PLCH1: variants seen among roughly 807,000 people sequenced by gnomAD.
PLCH1 encodes 1-phosphatidylinositol 4,5-bisphosphate phosphodiesterase eta-1.
Under a neutral mutation model 126.7 loss-of-function variants are expected in PLCH1, and 60 were observed. The ratio of observed to expected loss-of-function variants is 0.47; its 90% CI spans 0.38 to 0.59. PLCH1 has a LOEUF of 0.59. PLCH1 is among the 20% of genes least tolerant of loss of function. PLCH1 has a pLI of 0.00. For missense variants in PLCH1, 1,723 were observed against 2,040.0 expected, an observed-to-expected ratio of 0.84 and a Z score of 2.99; for synonymous variants, 719 against 734.9, an observed-to-expected ratio of 0.98 and a Z score of 0.35.
intron 1 of PLCH1, among the ~76,000 whole-genome samples, chr3:155,743,915 G>C (rs981688602): frequency 6.6e-6 from 1 of 152,172 alleles, no homozygotes; most frequent in Non-Finnish European, 1.5e-5. Context: ...TTTCGGGACA[G>C]AGGGGGATTT....
At chr3:155,603,445 A>G (rs1449959730) in intron 2 of PLCH1, among the ~76,000 whole-genome samples, 1 of 152,228 alleles carries the variant, frequency 6.6e-6, no homozygotes, top group African/African-American at 2.4e-5. Context: ...CTTGGTACAT[A>G]GCAGGTGCTG....
At chr3:155,512,166 C>T (rs1719661874) in intron 12 of PLCH1, among the ~76,000 whole-genome samples, 1 of 151,898 alleles carries the variant, frequency 6.6e-6, no homozygotes, top group African/African-American at 2.4e-5. Context: ...ACTCCCTGAC[C>T]CCTTGCGCTT....
chr3:155,604,842 G>A (rs1222715889), intron 2 of PLCH1, among the ~76,000 whole-genome samples: 1 of 152,162 alleles, frequency 6.6e-6, no homozygotes, highest in Non-Finnish European at 1.5e-5. Flanking sequence ...GTGCAAACTG[G>A]TTAAGAGAAT....
chr3:155,464,267 T>C (rs1057134860), intron 21 of PLCH1, among the ~76,000 whole-genome samples: 25 of 152,200 alleles, frequency 1.6e-4, no homozygotes, highest in Non-Finnish European at 1.0e-4. Context: ...GAAGCCAGGC[T>C]GCAGAAACAC....
At chr3:155,719,047 GTGT>G (rs1747738371) in intron 1 of PLCH1, among the ~76,000 whole-genome samples, 1 of 152,038 alleles carries the variant, frequency 6.6e-6, no homozygotes, top group Non-Finnish European at 1.5e-5. Context: ...TGGAAAACAA[GTGT>G]TGTTTGGTTG....
At chr3:155,700,092 G>A (rs747922237) in intron 2 of PLCH1, among the ~76,000 whole-genome samples, 3 of 152,060 alleles carry the variant, frequency 2.0e-5, no homozygotes, top group African/African-American at 4.8e-5. Context: ...ATCCTCACCT[G>A]AAAGACAGGG....
downstream of PLCH1, among the ~76,000 whole-genome samples, chr3:155,479,556 C>T (rs1346922690): frequency 2.6e-5 from 4 of 152,074 alleles, no homozygotes; most frequent in African/African-American, 7.2e-5. Flanking sequence ...GCTCCCCCAC[C>T]CACGACCACC....
At chr3:155,685,955 G>T (rs1364777947) in intron 2 of PLCH1, among the ~76,000 whole-genome samples, 2 of 152,058 alleles carry the variant, frequency 1.3e-5, no homozygotes, top group Non-Finnish European at 2.9e-5. Context: ...CCTCTCCCAG[G>T]TTCATTTCCC....
At chr3:155,495,884 A>T (rs1185280729) in intron 15 of PLCH1, among the ~76,000 whole-genome samples, 1 of 152,238 alleles carries the variant, frequency 6.6e-6, no homozygotes, top group African/African-American at 2.4e-5. Context: ...CAGTTTACAT[A>T]TCTCAAGCAT....
At chr3:155,535,505 C>A (rs1386047932) in intron 10 of PLCH1, among the ~76,000 whole-genome samples, 1 of 152,152 alleles carries the variant, frequency 6.6e-6, no homozygotes, top group Non-Finnish European at 1.5e-5. Flanking sequence ...CCTGTCACTG[C>A]CAGCTTTCCC....
At chr3:155,524,698 C>G (rs1252206837) in intron 10 of PLCH1, among the ~76,000 whole-genome samples, 1 of 151,974 alleles carries the variant, frequency 6.6e-6, no homozygotes, top group African/African-American at 2.4e-5. Flanking sequence ...AAAATCAAAC[C>G]AGGCTTCTAT....
intron 21 of PLCH1, among the ~76,000 whole-genome samples, chr3:155,459,218 A>G (rs1389574377): frequency 6.6e-6 from 1 of 152,192 alleles, no homozygotes; most frequent in African/African-American, 2.4e-5. Context: ...GAAATCCTTG[A>G]TAGGTAGTAT....
chr3:155,474,963 A>T (rs1713467253), downstream of PLCH1, among the ~76,000 whole-genome samples: 1 of 136,882 alleles, frequency 7.3e-6, no homozygotes, highest in Admixed American at 7.3e-5. Flanking sequence ...GCATTGGGAG[A>T]TATACCTAAT....
At chr3:155,671,455 A>G (rs944474737) in intron 2 of PLCH1, among the ~76,000 whole-genome samples, 3 of 152,336 alleles carry the variant, frequency 2.0e-5, no homozygotes, top group African/African-American at 7.2e-5. Flanking sequence ...AATAATGTAA[A>G]TGTAAGTAAT....
intron 21 of PLCH1, among the ~76,000 whole-genome samples, chr3:155,463,739 C>T (rs1317077903): frequency 2.0e-5 from 3 of 151,588 alleles, no homozygotes; most frequent in African/African-American, 4.9e-5. Flanking sequence ...AAATTAAAAG[C>T]GAGAGGAAAA....
chr3:155,741,049 G>A (rs114063585), intron 1 of PLCH1, among the ~76,000 whole-genome samples: 2,493 of 152,288 alleles, frequency 0.016, 28 homozygotes, highest in South Asian at 0.039. Flanking sequence ...CTTCCACTAC[G>A]AAGCACAGAA....
chr3:155,666,890 TGAG>T (rs1456929184), intron 2 of PLCH1, among the ~76,000 whole-genome samples: 1 of 145,032 alleles, frequency 6.9e-6, no homozygotes, highest in Non-Finnish European at 1.5e-5. Flanking sequence ...GAGACACAGA[TGAG>T]GTGTGTGTGT....
intron 2 of PLCH1, among the ~76,000 whole-genome samples, chr3:155,650,361 T>C (rs1382871509): frequency 1.3e-5 from 2 of 152,182 alleles, no homozygotes; most frequent in Non-Finnish European, 2.9e-5. Flanking sequence ...AATAATCTAA[T>C]AGTGTCATAA....
intron 9 of PLCH1, among the ~76,000 whole-genome samples, chr3:155,550,224 A>G (rs952587737): frequency 1.3e-5 from 2 of 152,206 alleles, no homozygotes; most frequent in African/African-American, 4.8e-5. Flanking sequence ...TCAGGAAACA[A>G]TGGTAGATAT....
Sources: allele counts gnomAD v4.1 joint callset (sites outside exome capture counted in the v4.1 genomes callset), GRCh38; gene constraint gnomAD v4.1.1; transcripts MANE v1.5; gene names NCBI Gene and HGNC (gene_info 2026-07-23, HGNC 2026-07-21).